The following GNRH1 variants were observed in gnomAD, a reference collection of about 807,000 sequenced individuals.
GNRH1 encodes progonadoliberin-1.
In GNRH1, 9 loss-of-function variants were observed where a neutral mutation model predicts 13.6. The ratio of observed to expected loss-of-function variants is 0.66; its 90% CI spans 0.40 to 1.15. The LOEUF (loss-of-function observed/expected upper bound fraction) is 1.15. Among genes scored for constraint, GNRH1 ranks in the 50% most tolerant of loss-of-function variants. The probability of loss-of-function intolerance (pLI) is 0.01; values close to 1 mark genes in which losing one functional copy is unlikely to be tolerated. For synonymous variants in GNRH1, 44 were observed against 40.1 expected (o/e 1.10, Z -0.37); for missense variants, 116 against 110.8 (o/e 1.05, Z -0.21).
chr8:25,420,108 G>A (rs745763184), intron 3 of GNRH1, among the ~76,000 whole-genome samples: 4 of 152,160 alleles, frequency 2.6e-5, no homozygotes, highest in Non-Finnish European at 4.4e-5. Context: ...AATGCAGTAA[G>A]CAAGATTAGA....
chr8:25,422,157 T>C (rs77486347), intron 2 of GNRH1, among the ~76,000 whole-genome samples: 9,420 of 152,254 alleles, frequency 0.062, 372 homozygotes, highest in South Asian at 0.1. Context: ...AGATAATTCC[T>C]TCCAATGATA....
At chr8:25,422,150 T>G (rs764479444) in intron 2 of GNRH1, among the ~76,000 whole-genome samples, 2 of 152,212 alleles carry the variant, frequency 1.3e-5, no homozygotes, top group South Asian at 2.1e-4. Context: ...AGAAAAGAGA[T>G]AATTCCTTCC....
chr8:25,420,180 C>T (rs1471233578), intron 3 of GNRH1, among the ~76,000 whole-genome samples: 1 of 151,516 alleles, frequency 6.6e-6, no homozygotes, highest in African/African-American at 2.4e-5. Flanking sequence ...CTTTGGGAGG[C>T]CGAGGTGGGC....
At chr8:25,423,386 T>G (rs1408545765) in intron 1 of GNRH1, 55 bp from the exon 2 acceptor site, 1 of 1,483,982 alleles carries the variant, frequency 6.7e-7, no homozygotes, top group Non-Finnish European at 9.4e-7. Flanking sequence ...GAGTATAAAC[T>G]AAAAGACCTC....
chr8:25,423,190 C>T lies in GNRH1; in HGVS notation c.141G>A (p.Glu47=). 1 of 1,606,878 alleles carries T rather than the reference C, an allele frequency of 6.2e-7. No individual in the cohort carries two copies. Among genetic ancestry groups the T allele is most frequent in the South Asian group, 1.1e-5 (1 of 90,932 alleles). ...DAENLIDSFQ[E]IVKEVGQLAE... The stretch of plus-strand genomic sequence containing the variant: ...TATTTTGAAGCTGAGAGAAACTTAC[C>T]TCTTGGAAAGAATCAATCAAATTTT... Residue 47 remains glutamate (E), a splice_region_variant and synonymous_variant, in exon 2 of 4, where the codon GAG becomes GAA. Coordinates refer to ENST00000421054, the MANE Select transcript of GNRH1 (RefSeq NM_001083111.2).
intron 2 of GNRH1, 69 bp downstream of exon 2, chr8:25,423,121 C>A: frequency 8.7e-7 from 1 of 1,147,570 alleles, no homozygotes; most frequent in Non-Finnish European, 1.3e-6. Flanking sequence ...TTGGGGCTAT[C>A]CTGAATGTTT....
At chr8:25,424,084 A>G (rs1801810969) in intron 1 of GNRH1, 117 bp downstream of exon 1, 1 of 152,406 alleles carries the variant, frequency 6.6e-6, no homozygotes. Context: ...ACAGGACATC[A>G]TTAGATACCG....
chr8:25,419,463 G>A lies in GNRH1; in HGVS notation c.238-3C>T, dbSNP rs1563239960. On this transcript the variant is annotated splice_polypyrimidine_tract_variant and splice_region_variant and intron_variant, in intron 3 of 3. Coordinates refer to ENST00000421054, the MANE Select transcript of GNRH1 (RefSeq NM_001083111.2). ...GTTTCCTCTTCAATCAGACTTTCCT[G>A]AAAAATATATAACAAATATATCAAG... The A allele has an allele frequency of 7.2e-7, 1 of 1,383,020 alleles. No individual in the cohort carries two copies. Among genetic ancestry groups the A allele is most frequent in the South Asian group, 1.2e-5 (1 of 86,448 alleles). 85.7% of individuals were successfully genotyped at this position (1,383,020 alleles called of 1,614,324 possible). A position where few individuals can be genotyped will look rare whatever the true frequency, so the allele number is the denominator to read the frequency against.
intron 1 of GNRH1, 139 bp downstream of exon 1, chr8:25,424,062 G>A (rs1328940571): frequency 6.6e-6 from 1 of 152,550 alleles, no homozygotes; most frequent in Admixed American, 6.5e-5. Context: ...GTGATGGCAA[G>A]GACAGTGAAG....
intron 2 of GNRH1, among the ~76,000 whole-genome samples, chr8:25,422,088 A>G (rs1369252755): frequency 6.6e-6 from 1 of 152,180 alleles, no homozygotes; most frequent in Non-Finnish European, 1.5e-5. Context: ...TGCAGAGAAG[A>G]GGCTTCAGAT....
rs761764844 is a variant in GNRH1, at chr8:25,419,506, A to C, written c.238-46T>G. On this transcript the variant is annotated intron_variant, in intron 3 of 3. Coordinates refer to ENST00000421054, the MANE Select transcript of GNRH1 (RefSeq NM_001083111.2). ...ATATCAAGACTGACTTTACCAGCTGAATTTCATTACATTTTGACATTTTAA... is the reference window on the plus strand; with the variant it reads ...ATATCAAGACTGACTTTACCAGCTGCATTTCATTACATTTTGACATTTTAA... The C allele has an allele frequency of 3.2e-6, 3 of 925,840 alleles. No homozygotes were observed. The African/African-American group carries it at 4.8e-5, about 15-fold the overall frequency. 57.4% of individuals were successfully genotyped at this position (925,840 alleles called of 1,614,324 possible).
Position 25,421,583 on chromosome 8 carries a change from T to C in GNRH1, c.227A>G (p.Lys76Arg), listed in dbSNP as rs748897668. The C allele has an allele frequency of 1.3e-6, 2 of 1,575,958 alleles. No homozygotes were observed. Among genetic ancestry groups the C allele is most frequent in the Non-Finnish European group, 1.7e-6 (2 of 1,146,986 alleles). ...ATCACTTTAACTTACCAGAGCTCCT[T>C]TCAGGTCTCGGAGGGGAGAACGTGG... is the stretch of plus-strand genomic sequence containing the variant. ...HQPRSPLRDLKGALESLIEEE... is the reference protein window; with the variant it reads ...HQPRSPLRDLRGALESLIEEE... Residue 76 changes from lysine to arginine, a missense_variant, in exon 3 of 4, where the codon AAA (lysine) becomes AGA (arginine). Transcript: ENST00000421054.
chr8:25,421,871 G>A (rs1434787264), intron 2 of GNRH1, among the ~76,000 whole-genome samples: 1 of 151,964 alleles, frequency 6.6e-6, no homozygotes, highest in Non-Finnish European at 1.5e-5. Flanking sequence ...GGGATCTGGA[G>A]ATAATGGAGA....
chr8:25,423,585 T>A, intron 1 of GNRH1: 1 of 492,676 alleles, frequency 2.0e-6, no homozygotes. Flanking sequence ...TAGTCTATAC[T>A]TTTATTTTTA....
intron 2 of GNRH1, 122 bp downstream of exon 2, chr8:25,423,068 C>G: frequency 4.9e-6 from 4 of 821,158 alleles, no homozygotes; most frequent in South Asian, 4.0e-5. Context: ...AGTGCCTTAT[C>G]TCACCTGGAG....
At chr8:25,423,124 G>T in intron 2 of GNRH1, 66 bp downstream of exon 2, 1 of 1,175,026 alleles carries the variant, frequency 8.5e-7, no homozygotes, top group South Asian at 1.2e-5. Flanking sequence ...GGGCTATCCT[G>T]AATGTTTAAT....
Position 25,419,276 on chromosome 8 carries a change from C to G in GNRH1, c.*143G>C, listed in dbSNP as rs1348175765. ...ATGCCACTTCATTCACAACACAGCACTTTATTATGGAATATGTGCAACTTG... is the reference window on the plus strand; with the variant it reads ...ATGCCACTTCATTCACAACACAGCAGTTTATTATGGAATATGTGCAACTTG... On this transcript the variant is annotated 3_prime_UTR_variant, in exon 4 of 4. Transcript: ENST00000421054. 3 of 703,204 alleles carry G rather than the reference C, an allele frequency of 4.3e-6. No homozygotes were observed. Among genetic ancestry groups the G allele is most frequent in the Non-Finnish European group, 7.9e-6 (3 of 380,576 alleles). 43.6% of individuals were successfully genotyped at this position (703,204 alleles called of 1,614,324 possible).
rs900460990 is a variant in GNRH1 at position 25,423,248 on chromosome 8, T to A, written c.83A>T (p.Tyr28Phe). The part of the protein sequence containing the change: ...VEGCSSQHWS[Y>F]GLRPGGKRDA... Reference sequence around the variant, plus strand: ...TCTCTTTCCTCCAGGGCGCAGTCCATAGGACCAGTGCTGGCTGGAGCAGCC... The same window carrying A: ...TCTCTTTCCTCCAGGGCGCAGTCCAAAGGACCAGTGCTGGCTGGAGCAGCC... Residue 28 changes from tyrosine to phenylalanine, a missense_variant, in exon 2 of 4, where the codon TAT (tyrosine) becomes TTT (phenylalanine). By Grantham distance (22) the Tyr-to-Phe change is conservative. Coordinates refer to ENST00000421054, the MANE Select transcript of GNRH1 (RefSeq NM_001083111.2). The A allele has an allele frequency of 7.4e-6, 12 of 1,612,528 alleles. No homozygotes were observed. The highest frequency in any genetic ancestry group is 3.3e-5 in the Admixed American group (2 of 59,992).
At chr8:25,423,433 G>T in intron 1 of GNRH1, 102 bp from the exon 2 acceptor site, 1 of 989,254 alleles carries the variant, frequency 1.0e-6, no homozygotes, top group Non-Finnish European at 1.6e-6. Flanking sequence ...CACTAACCCT[G>T]CAGAAGATGG....
Sources: allele counts gnomAD v4.1 joint callset (sites outside exome capture counted in the v4.1 genomes callset), GRCh38; gene constraint gnomAD v4.1.1; transcripts MANE v1.5; gene names NCBI Gene and HGNC (gene_info 2026-07-23, HGNC 2026-07-21).